HOMER1: variants seen among roughly 807,000 people sequenced by gnomAD.
HOMER1 encodes homer protein homolog 1.
A neutral mutation model predicts 48.9 loss-of-function variants in HOMER1; 3 were observed. That is an observed-to-expected ratio of 0.06 (90% CI 0.03 to 0.16). The LOEUF is 0.16. Among genes scored for constraint, HOMER1 ranks in the 10% least tolerant of loss-of-function variants. The pLI is 1.00. For synonymous variants in HOMER1, 134 were observed against 146.4 expected, an observed-to-expected ratio of 0.92 and a Z score of 0.61; for missense variants, 247 against 411.4, an observed-to-expected ratio of 0.60 and a Z score of 3.46.
rs1354920375 is a variant in HOMER1, at chr5:79,439,082, C to T, written c.455G>A (p.Arg152Lys). 6.2e-7 allele frequency: 1 copy of T among 1,613,838 alleles called. No homozygotes were observed. Among genetic ancestry groups the T allele is most frequent in the South Asian group, 1.1e-5 (1 of 91,068 alleles). Reference sequence around the variant, plus strand: ...TGAGTTCTGTGTCACATCAGGTGTTCTTTCATCATCTGTCCCGTTGATACT... The same window carrying T: ...TGAGTTCTGTGTCACATCAGGTGTTTTTTCATCATCTGTCCCGTTGATACT... ...PESINGTDDE[R>K]TPDVTQNSEP... The change falls in exon 5 of 9, where the codon AGA (arginine) becomes AAA (lysine). Residue 152 changes from arginine (R) to lysine (K), a missense_variant. Arg to Lys is a conservative substitution (Grantham distance 26). This residue lies in a region of HOMER1 where 94 missense variants were observed against 112.4 expected (regional missense o/e 0.84). Transcript: ENST00000334082.
At chr5:79,512,672 C>A (rs1247925269) in intron 1 of HOMER1, 98 bp downstream of exon 1, 2 of 1,174,530 alleles carry the variant, frequency 1.7e-6, no homozygotes, top group Non-Finnish European at 2.5e-6. Flanking sequence ...AGCAAGGTGG[C>A]AAGTTTGTTT....
chr5:79,502,841 A>G (rs1752633665), intron 1 of HOMER1, among the ~76,000 whole-genome samples: 1 of 152,188 alleles, frequency 6.6e-6, no homozygotes, highest in Non-Finnish European at 1.5e-5. Context: ...CCCAGGCTGG[A>G]GTGCAGTGGC....
At chr5:79,379,183 TTA>T (rs1435522111) in intron 8 of HOMER1, among the ~76,000 whole-genome samples, 1 of 104,302 alleles carries the variant, frequency 9.6e-6, no homozygotes, top group African/African-American at 3.8e-5. Flanking sequence ...ATATATATTT[TTA>T]TATATCTATA....
At chr5:79,467,825 G>A (rs1751514792) in intron 1 of HOMER1, among the ~76,000 whole-genome samples, 1 of 152,150 alleles carries the variant, frequency 6.6e-6, no homozygotes, top group Admixed American at 6.5e-5. Context: ...TGCCCAGGCT[G>A]GAGTGCAGTG....
chr5:79,388,017 G>GA (rs775695712), intron 8 of HOMER1, among the ~76,000 whole-genome samples: 9 of 152,134 alleles, frequency 5.9e-5, no homozygotes, highest in Non-Finnish European at 1.2e-4. Flanking sequence ...GAGTTGTGGG[G>GA]GCAATGCCCA....
intron 5 of HOMER1, among the ~76,000 whole-genome samples, chr5:79,427,569 G>T (rs1323601548): frequency 6.6e-6 from 1 of 151,892 alleles, no homozygotes; most frequent in Non-Finnish European, 1.5e-5. Context: ...TTGTATTTTT[G>T]GTAGAGACGG....
intron 2 of HOMER1, among the ~76,000 whole-genome samples, chr5:79,456,284 C>T (rs1751175386): frequency 6.6e-6 from 1 of 152,154 alleles, no homozygotes; most frequent in East Asian, 1.9e-4. Context: ...AACAATGAGG[C>T]TCAGAGAAGT....
chr5:79,397,252 C>A (rs1291934150), intron 7 of HOMER1, among the ~76,000 whole-genome samples: 2 of 152,088 alleles, frequency 1.3e-5, no homozygotes, highest in African/African-American at 2.4e-5. Flanking sequence ...ATCCATTTAA[C>A]CCCTAATGAT....
At chr5:79,456,195 A>G (rs548372273) in intron 2 of HOMER1, among the ~76,000 whole-genome samples, 2 of 151,738 alleles carry the variant, frequency 1.3e-5, no homozygotes, top group African/African-American at 4.8e-5. Context: ...TGAAGGGCAC[A>G]CTGTCCTCTA....
At position 79,513,214 on chromosome 5, in the gene HOMER1, G is replaced by T. The variant is rs991650208; in HGVS notation, c.-440C>A. ...GGTTCAAATTTCTCCACCACACCAG[G>T]TCTCCGGGGGTGGAGCGAGCAACCA... On this transcript the variant is annotated 5_prime_UTR_variant, in exon 1 of 9. Transcript: ENST00000334082. 1 of 165,424 alleles carries T rather than the reference G, an allele frequency of 6.0e-6. No homozygotes were observed. The highest frequency in any genetic ancestry group is 2.4e-5 in the African/African-American group (1 of 41,856). The allele number at this position is 165,424 out of a possible 1,614,324, so 10.2% of individuals were successfully genotyped here. A position where few individuals can be genotyped will look rare whatever the true frequency, so the allele number is the denominator to read the frequency against.
chr5:79,406,821 A>G (rs551858328), intron 5 of HOMER1, among the ~76,000 whole-genome samples: 1 of 152,320 alleles, frequency 6.6e-6, no homozygotes, highest in East Asian at 1.9e-4. Flanking sequence ...AAGACTCTCA[A>G]CTATCACAAG....
intron 1 of HOMER1, among the ~76,000 whole-genome samples, chr5:79,460,771 A>G (rs1751299043): frequency 6.6e-6 from 1 of 152,170 alleles, no homozygotes; most frequent in South Asian, 2.1e-4. Flanking sequence ...AAACATCTAC[A>G]ATGCACAAGA....
intron 1 of HOMER1, among the ~76,000 whole-genome samples, chr5:79,474,857 A>T (rs993122128): frequency 6.6e-6 from 1 of 152,220 alleles, no homozygotes; most frequent in African/African-American, 2.4e-5. Flanking sequence ...ACAGGAAAAA[A>T]GCTGATGACA....
At chr5:79,485,534 A>G (rs1752073929) in intron 1 of HOMER1, among the ~76,000 whole-genome samples, 1 of 152,240 alleles carries the variant, frequency 6.6e-6, no homozygotes, top group Admixed American at 6.5e-5. Context: ...CGAATGTAAT[A>G]CATGATATTT....
chr5:79,502,152 T>TA (rs930353047), intron 1 of HOMER1, among the ~76,000 whole-genome samples: 2 of 151,416 alleles, frequency 1.3e-5, no homozygotes, highest in Non-Finnish European at 2.9e-5. Context: ...CCCAAGTAGC[T>TA]GGGATTACAA....
intron 1 of HOMER1, among the ~76,000 whole-genome samples, chr5:79,500,165 C>T (rs1390720648): frequency 6.6e-6 from 1 of 152,040 alleles, no homozygotes; most frequent in Non-Finnish European, 1.5e-5. Context: ...GTGCAAAAAC[C>T]TTGCACTTTT....
chr5:79,406,957 G>A (rs916680769), intron 5 of HOMER1, among the ~76,000 whole-genome samples: 11 of 152,250 alleles, frequency 7.2e-5, no homozygotes, highest in Non-Finnish European at 1.0e-4. Flanking sequence ...CCATTCTGTC[G>A]TCTATTATAG....
At chr5:79,437,572 T>C (rs963761437) in intron 5 of HOMER1, among the ~76,000 whole-genome samples, 2 of 152,216 alleles carry the variant, frequency 1.3e-5, no homozygotes, top group African/African-American at 4.8e-5. Flanking sequence ...ACAATATATC[T>C]ACTGTTTTAT....
chr5:79,382,631 CACTA>C (rs1330208056), intron 8 of HOMER1, among the ~76,000 whole-genome samples: 2 of 152,102 alleles, frequency 1.3e-5, no homozygotes, highest in Non-Finnish European at 2.9e-5. Context: ...AATTCATCAC[CACTA>C]TACCAGCCCT....
Sources: gnomAD v4.1 joint callset for allele counts (sites outside exome capture counted in the v4.1 genomes callset) on GRCh38, gnomAD v4.1.1 for gene constraint, gnomAD v4.1.1 regional missense constraint, MANE v1.5 for transcripts, NCBI Gene and HGNC (gene_info 2026-07-23, HGNC 2026-07-21) for gene names.